The following ARPC3 variants were observed in gnomAD, a reference collection of about 807,000 sequenced individuals.
ARPC3 encodes actin related protein 2/3 complex subunit 3.
Under a neutral mutation model 27.6 loss-of-function variants are expected in ARPC3, and 12 were observed. The observed-to-expected ratio is 0.43, with a 90% CI of 0.28 to 0.70. The LOEUF (loss-of-function observed/expected upper bound fraction) is 0.70, where lower values mean the gene tolerates loss of function less well. Among genes scored for constraint, ARPC3 ranks in the 30% least tolerant of loss-of-function variants. The pLI, the probability that ARPC3 is intolerant of heterozygous loss-of-function variation, is 0.17. For synonymous variants in ARPC3, 53 were observed against 67.2 expected (o/e 0.79, Z 1.03); for missense variants, 153 against 207.7 (o/e 0.74, Z 1.62).
chr12:110,436,942 T>TC, intron 4 of ARPC3, 142 bp downstream of exon 4: 1 of 737,144 alleles, frequency 1.4e-6, no homozygotes, highest in South Asian at 1.6e-5. Context: ...TAAATTCAAA[T>TC]TTTTCTCTTA....
At chr12:110,437,374 CTT>C (rs893332697) in intron 3 of ARPC3, 125 of 392,230 alleles carry the variant, frequency 3.2e-4, no homozygotes, top group East Asian at 1.2e-3. Context: ...TGTGCAGCTG[CTT>C]TTTTTTTTTG....
At chr12:110,449,291 G>C (rs562621871) in intron 1 of ARPC3, among the ~76,000 whole-genome samples, 8 of 151,958 alleles carry the variant, frequency 5.3e-5, no homozygotes, top group Non-Finnish European at 1.0e-4. Context: ...GGCTGGGCGC[G>C]ATGGCTCACG....
At chr12:110,445,346 G>A in intron 2 of ARPC3, 106 bp downstream of exon 2, 1 of 871,924 alleles carries the variant, frequency 1.1e-6, no homozygotes. Flanking sequence ...AAGTACAAGG[G>A]CAATTTGAGA....
At chr12:110,436,959 T>C (rs1384533861) in intron 4 of ARPC3, 125 bp downstream of exon 4, 2 of 786,888 alleles carry the variant, frequency 2.5e-6, no homozygotes, top group East Asian at 2.6e-5. Flanking sequence ...CTTAAGTCCA[T>C]GCTGTAAGTC....
chr12:110,441,729 A>T (rs2062438613), intron 2 of ARPC3, among the ~76,000 whole-genome samples: 1 of 151,944 alleles, frequency 6.6e-6, no homozygotes, highest in Non-Finnish European at 1.5e-5. Flanking sequence ...TAAAATTTTT[A>T]AAGAAAAGTT....
At chr12:110,447,147 G>T (rs1367994622) in intron 1 of ARPC3, among the ~76,000 whole-genome samples, 1 of 152,114 alleles carries the variant, frequency 6.6e-6, no homozygotes, top group Non-Finnish European at 1.5e-5. Flanking sequence ...CCACTTCATG[G>T]CGTTATGCTT....
At position 110,436,930 on chromosome 12, in the gene ARPC3, A is replaced by G. The variant is rs1424380945; in HGVS notation, c.252+154T>C. ...GTCAATTATACTACAAGTTCAGGTA[A>G]CTAAATTCAAATTTTTCTCTTAAGT... On this transcript the variant is annotated intron_variant, in intron 4 of 6. Transcript: ENST00000228825. 3 of 712,168 alleles carry G rather than the reference A, an allele frequency of 4.2e-6. No homozygotes were observed. In the East Asian group the frequency reaches 8.1e-5, roughly 19 times the overall value. 44.1% of individuals were successfully genotyped at this position (712,168 alleles called of 1,614,324 possible).
chr12:110,439,336 C>T (rs780573874), intron 3 of ARPC3, among the ~76,000 whole-genome samples: 3 of 152,036 alleles, frequency 2.0e-5, no homozygotes, highest in South Asian at 2.1e-4. Context: ...AGGCTGGTCT[C>T]GAACTCCTGA....
chr12:110,442,334 G>A (rs1414027619), intron 2 of ARPC3, among the ~76,000 whole-genome samples: 5 of 152,018 alleles, frequency 3.3e-5, no homozygotes, highest in African/African-American at 4.8e-5. Flanking sequence ...TCAGTCGGGC[G>A]CAGTGGCTCA....
chr12:110,448,785 G>T (rs867988481), intron 1 of ARPC3, among the ~76,000 whole-genome samples: 4 of 109,464 alleles, frequency 3.7e-5, no homozygotes, highest in Admixed American at 8.3e-5. Flanking sequence ...TTCCGGGGGG[G>T]GGGGGGGTGG....
At position 110,445,030 on chromosome 12, in the gene ARPC3, G is replaced by T. The variant is rs539449922; in HGVS notation, c.106+422C>A. 5.3e-5 allele frequency: 12 copies of T among 226,670 alleles called. No homozygotes were observed. In the East Asian group the frequency reaches 5.9e-4, roughly 11 times the overall value. The allele number at this position is 226,670 out of a possible 1,614,324, so 14.0% of individuals were successfully genotyped here. On this transcript the variant is annotated intron_variant, in intron 2 of 6. Coordinates refer to ENST00000228825, the MANE Select transcript of ARPC3 (RefSeq NM_001278556.2). ...AGTACACTTCAGATTTAAGATTGAG[G>T]TATTGCTAAAAATGAAGATCTTGAA...
At chr12:110,436,026 G>T in intron 6 of ARPC3, 84 bp downstream of exon 6, 2 of 1,038,578 alleles carry the variant, frequency 1.9e-6, no homozygotes, top group Non-Finnish European at 3.0e-6. Flanking sequence ...AAATATTCTT[G>T]CAATGGAAGA....
rs565330957 is a variant in ARPC3, at chr12:110,444,133, C to T, written c.106+1319G>A. Among the ~76,000 whole-genome samples, 4 of 152,162 alleles carry T rather than the reference C, an allele frequency of 2.6e-5. No individual in the cohort carries two copies. In the South Asian group the frequency reaches 8.3e-4, roughly 32 times the overall value. Reference sequence around the variant, plus strand: ...TACAGGCATGCGCCACCATGCCCGGCTGATTGTTTGTATTTTTAGTTGAGA... The same window carrying T: ...TACAGGCATGCGCCACCATGCCCGGTTGATTGTTTGTATTTTTAGTTGAGA... On this transcript the variant is annotated intron_variant, in intron 2 of 6. Transcript: ENST00000228825.
intron 2 of ARPC3, chr12:110,442,970 T>C (rs2062446475): frequency 6.6e-6 from 1 of 152,212 alleles, no homozygotes; most frequent in Admixed American, 6.6e-5. Flanking sequence ...TTATACTTCT[T>C]GTCTATGACT....
intron 1 of ARPC3, among the ~76,000 whole-genome samples, chr12:110,450,012 G>GAC (rs2062491699): frequency 6.6e-6 from 1 of 151,472 alleles, no homozygotes; most frequent in African/African-American, 2.4e-5. Flanking sequence ...GACGGAGAGA[G>GAC]AAAAGGGCCT....
At chr12:110,439,313 C>T (rs1592951689) in intron 3 of ARPC3, among the ~76,000 whole-genome samples, 1 of 151,430 alleles carries the variant, frequency 6.6e-6, no homozygotes, top group Non-Finnish European at 1.5e-5. Context: ...GACGGGGGTT[C>T]GCCATGTTGC....
In ARPC3 at chr12:110,445,438, G is replaced by A. The variant is rs755609152; in HGVS notation, c.106+14C>T. 1 of 1,575,106 alleles carries A rather than the reference G, an allele frequency of 6.3e-7. No homozygotes were observed. The highest frequency in any genetic ancestry group is 1.1e-5 in the South Asian group (1 of 90,284). ...TTTCGTACCAAAATTTGAAAATAAT[G>A]GGTTTAGACTTACTCTCTCTGGGGG... On this transcript the variant is annotated intron_variant, in intron 2 of 6. Transcript: ENST00000228825.
intron 4 of ARPC3, 132 bp from the exon 5 acceptor site, chr12:110,436,815 A>G (rs2138034607): frequency 1.3e-6 from 1 of 777,176 alleles, no homozygotes; most frequent in African/African-American, 1.8e-5. Context: ...CCTTGAGTCA[A>G]GGGCTTAAAA....
chr12:110,436,064 G>A (rs1336628300), intron 6 of ARPC3, 46 bp downstream of exon 6: 2 of 1,426,672 alleles, frequency 1.4e-6, no homozygotes, highest in Non-Finnish European at 2.0e-6. Flanking sequence ...GTGGCTATGG[G>A]ATAAAAGGTG....
Sources: allele counts gnomAD v4.1 joint callset (sites outside exome capture counted in the v4.1 genomes callset), GRCh38; gene constraint gnomAD v4.1.1; transcripts MANE v1.5; gene names NCBI Gene and HGNC (gene_info 2026-07-23, HGNC 2026-07-21).